The following GHRL variants were observed in gnomAD, a reference collection of about 807,000 sequenced individuals.
GHRL encodes the protein appetite-regulating hormone.
In GHRL, 24 loss-of-function variants were observed where a neutral mutation model predicts 16.9. That is an observed-to-expected ratio of 1.42 (90% confidence interval 1.03 to 2.00). The LOEUF is 2.00. Among genes scored for constraint, GHRL ranks in the 30% most tolerant of loss-of-function variants. The pLI is 0.00. For missense variants in GHRL, 193 were observed against 142.1 expected (o/e 1.36, Z -1.82); for synonymous variants, 63 against 58.2 (o/e 1.08, Z -0.37).
chr3:10,288,753 G>A (rs979327644), intron 4 of GHRL, among the ~76,000 whole-genome samples: 1 of 152,206 alleles, frequency 6.6e-6, no homozygotes, highest in Non-Finnish European at 1.5e-5. Flanking sequence ...AGGCCAAGGC[G>A]GGCACATTTC....
chr3:10,288,308 T>TG (rs1315178402), intron 4 of GHRL: 1 of 152,250 alleles, frequency 6.6e-6, no homozygotes, highest in Non-Finnish European at 1.5e-5. Context: ...GGTTTGGTAG[T>TG]GGGGCGCTCC....
chr3:10,291,695 C>G (rs1361286563), intron 1 of GHRL, among the ~76,000 whole-genome samples: 1 of 152,264 alleles, frequency 6.6e-6, no homozygotes, highest in Non-Finnish European at 1.5e-5. Flanking sequence ...GAATTTCTTC[C>G]TTTCTGGAGT....
intron 5 of GHRL, 108 bp downstream of exon 5, chr3:10,286,596 G>T (rs919979744): frequency 3.5e-5 from 22 of 632,686 alleles, no homozygotes; most frequent in Non-Finnish European, 5.8e-5. Flanking sequence ...AGGGAAATTA[G>T]AAGTTCTTTT....
rs377149451 is a variant in GHRL at position 10,285,884 on chromosome 3, G to A, written c.345C>T (p.Ala115=). The A allele has an allele frequency of 4.3e-6, 7 of 1,613,354 alleles. No homozygotes were observed. Among genetic ancestry groups the A allele is most frequent in the Non-Finnish European group, 5.9e-6 (7 of 1,179,338 alleles). The change falls in exon 6 of 6, where the codon GCC becomes GCT. Residue 115 remains alanine, a synonymous_variant. Transcript: ENST00000335542. ...ILWEEAKEAP[A]DK is the part of the protein sequence containing the mutation. ...TAAGGCTTGTGGGCGATCACTTGTC[G>A]GCTGGGGCCTCTGGAAAGCAAGAGG... is the stretch of plus-strand genomic sequence containing the variant.
rs139997338 is a variant in GHRL, at chr3:10,289,763, C to T, written c.224G>A (p.Arg75Gln). The T allele has an allele frequency of 2.4e-4, 380 of 1,586,800 alleles. 1 individual carries two copies. The African/African-American group carries it at 2.5e-3, about 10-fold the overall frequency. ...AEGAEDELEVRFNAPFDVGIK... is the reference protein window; with the variant it reads ...AEGAEDELEVQFNAPFDVGIK... Reference sequence around the variant, plus strand: ...GCATAAAACTGCAGAGGTACCGACCCGGACTTCCAGTTCATCCTCTGCCCC... The same window carrying T: ...GCATAAAACTGCAGAGGTACCGACCTGGACTTCCAGTTCATCCTCTGCCCC... Residue 75 changes from arginine to glutamine, a missense_variant and splice_region_variant, in exon 4 of 6, where the codon CGG becomes CAG. Coordinates refer to ENST00000335542, the MANE Select transcript of GHRL (RefSeq NM_016362.5).
rs982121553 is a variant in GHRL, at chr3:10,292,831, C to T, written c.-766+11G>A. ...ACCAGGTACCTCCTGAGACATGAAG[C>T]CTCCACTTACCTGGACCCTGGAGGC... On this transcript the variant is annotated intron_variant, in intron 1 of 5. Transcript: ENST00000335542. 2.9e-5 allele frequency: 43 copies of T among 1,490,550 alleles called. No homozygotes were observed. In the Admixed American group the frequency reaches 9.2e-4, roughly 32 times the overall value. The allele number at this position is 1,490,550 out of a possible 1,614,324, so 92.3% of individuals were successfully genotyped here.
chr3:10,291,565 G>A (rs553701283), intron 1 of GHRL, 114 bp from the exon 2 acceptor site: 200 of 644,662 alleles, frequency 3.1e-4, no homozygotes, highest in East Asian at 4.2e-4. Context: ...GAAATGAGGC[G>A]ATGGGGGGAA....
chr3:10,289,767 CT>C lies in GHRL; in HGVS notation c.219del (p.Val74SerfsTer55), dbSNP rs1260776208. The C allele has an allele frequency of 1.3e-6, 2 of 1,594,922 alleles. No individual in the cohort carries two copies. Among genetic ancestry groups the C allele is most frequent in the Non-Finnish European group, 1.7e-6 (2 of 1,162,602 alleles). ...AAAACTGCAGAGGTACCGACCCGGA[CT>C]TCCAGTTCATCCTCTGCCCCTTCTG... ...GQAEGAEDEL[E>X]VRFNAPFDVG... On this transcript the variant is annotated frameshift_variant, in exon 4 of 6. Transcript: ENST00000335542. LOFTEE classifies it high-confidence loss of function.
intron 1 of GHRL, among the ~76,000 whole-genome samples, chr3:10,291,805 G>A (rs1391139616): frequency 6.6e-6 from 1 of 152,144 alleles, no homozygotes; most frequent in Non-Finnish European, 1.5e-5. Flanking sequence ...CCTTAGGCTG[G>A]GGCTTGCGGC....
At chr3:10,287,816 G>T (rs567974223) in intron 4 of GHRL, 1 of 153,416 alleles carries the variant, frequency 6.5e-6, no homozygotes, top group Non-Finnish European at 1.5e-5. Context: ...CAGAGGCGCA[G>T]AGAAGCTATT....
intron 1 of GHRL, 156 bp downstream of exon 1, chr3:10,292,686 A>C (rs1294073627): frequency 1.7e-6 from 1 of 594,396 alleles, no homozygotes; most frequent in African/African-American, 1.9e-5. Flanking sequence ...GAGCCCAGAG[A>C]GGCTGAATGT....
Position 10,290,227 on chromosome 3 carries a change from T to C in GHRL, c.-29-18A>G. On this transcript the variant is annotated intron_variant, in intron 2 of 5. Transcript: ENST00000335542. The stretch of plus-strand genomic sequence containing the variant: ...AGGTGGGCCTGGGGGAGAGAGGGTC[T>C]CCAGGCAGCTGCCTCCCCTTCTCAT... 3 of 1,576,152 alleles carry C rather than the reference T, an allele frequency of 1.9e-6. No individual in the cohort carries two copies. Among genetic ancestry groups the C allele is most frequent in the Non-Finnish European group, 2.6e-6 (3 of 1,161,750 alleles).
At chr3:10,286,928 T>G (rs912552386) in intron 4 of GHRL, 116 bp from the exon 5 acceptor site, 1 of 651,924 alleles carries the variant, frequency 1.5e-6, no homozygotes, top group African/African-American at 1.8e-5. Context: ...GAATGGCCTT[T>G]GGGCCCCAGC....
At position 10,290,696 on chromosome 3, in the gene GHRL, G is replaced by A. The variant is rs144591695; in HGVS notation, c.-30+20C>T. 8.1e-5 allele frequency: 81 copies of A among 1,005,770 alleles called. 1 individual carries two copies. Among genetic ancestry groups the A allele is most frequent in the African/African-American group, 5.0e-4 (29 of 57,960 alleles). The allele number at this position is 1,005,770 out of a possible 1,614,324, so 62.3% of individuals were successfully genotyped here. Reference sequence around the variant, plus strand: ...AATAAACCTGTCAGCAAACGCACACGGAGAGTAGAGAGAGCTTACCTGCAG... The same window carrying A: ...AATAAACCTGTCAGCAAACGCACACAGAGAGTAGAGAGAGCTTACCTGCAG... On this transcript the variant is annotated intron_variant, in intron 2 of 5. Coordinates refer to ENST00000335542, the MANE Select transcript of GHRL (RefSeq NM_016362.5).
At chr3:10,292,618 C>T in intron 1 of GHRL, 2 of 528,744 alleles carry the variant, frequency 3.8e-6, no homozygotes, top group Middle Eastern at 2.9e-4. Context: ...ATGAGCATGT[C>T]ACCAGGAGGT....
rs569402285 is a variant in GHRL, at chr3:10,287,746, C to T, written c.226-934G>A. Among the ~76,000 whole-genome samples, 88 of 152,224 alleles carry T rather than the reference C, an allele frequency of 5.8e-4. 1 individual carries two copies. The South Asian group carries it at 0.013, about 23-fold the overall frequency. On this transcript the variant is annotated intron_variant, in intron 4 of 5. Coordinates refer to ENST00000335542, the MANE Select transcript of GHRL (RefSeq NM_016362.5). The stretch of plus-strand genomic sequence containing the variant: ...TGCCCTTCCTCTGTGTGAGGCCAGG[C>T]GTCCTCAGTGCCTCCCTGTGGGGTA...
At position 10,290,211 on chromosome 3, in the gene GHRL, T is replaced by G; in HGVS notation, c.-29-2A>C. 6.3e-7 allele frequency: 1 copy of G among 1,593,346 alleles called. No individual in the cohort carries two copies. The highest frequency in any genetic ancestry group is 8.5e-7 in the Non-Finnish European group (1 of 1,171,598). On this transcript the variant is annotated splice_acceptor_variant, in intron 2 of 5. Coordinates refer to ENST00000335542, the MANE Select transcript of GHRL (RefSeq NM_016362.5). LOFTEE classifies it low-confidence loss of function (5UTR_SPLICE). ...CAGCTGGGTTGCAGACAGGTGGGCCTGGGGGAGAGAGGGTCTCCAGGCAGC... is the reference window on the plus strand; with the variant it reads ...CAGCTGGGTTGCAGACAGGTGGGCCGGGGGGAGAGAGGGTCTCCAGGCAGC...
chr3:10,291,191 G>A lies in GHRL; in HGVS notation c.-505C>T, dbSNP rs540671742. On this transcript the variant is annotated 5_prime_UTR_variant, in exon 2 of 6. Transcript: ENST00000335542. ...TGGCCTCTGTGAGCCCCGGGAGTCC[G>A]CAGGGAGCCAGGCTGGTGATTCTAC... 1.6e-4 allele frequency: 159 copies of A among 985,684 alleles called. No individual in the cohort carries two copies. Among genetic ancestry groups the A allele is most frequent in the South Asian group, 6.1e-4 (13 of 21,292 alleles). 61.1% of individuals were successfully genotyped at this position (985,684 alleles called of 1,614,324 possible).
chr3:10,287,062 A>C, intron 4 of GHRL: 3 of 338,526 alleles, frequency 8.9e-6, no homozygotes, highest in Non-Finnish European at 1.1e-5. Context: ...TTAGCCTCTA[A>C]TGGGATTGCT....
Sources: gnomAD v4.1 joint callset for allele counts (sites outside exome capture counted in the v4.1 genomes callset) on GRCh38, gnomAD v4.1.1 for gene constraint, MANE v1.5 for transcripts, NCBI Gene and HGNC (gene_info 2026-07-23, HGNC 2026-07-21) for gene names.